CDC42BPA: variants seen among roughly 807,000 people sequenced by gnomAD.
CDC42BPA encodes CDC42 binding protein kinase alpha.
Under a neutral mutation model 223.5 loss-of-function variants are expected in CDC42BPA, and 80 were observed. The ratio of observed to expected loss-of-function variants is 0.36; its 90% CI spans 0.30 to 0.43. The LOEUF is 0.43. Among genes scored for constraint, CDC42BPA ranks in the 20% least tolerant of loss-of-function variants. CDC42BPA has a pLI of 1.00. For missense variants in CDC42BPA, 1,743 were observed against 2,099.9 expected (o/e 0.83, Z 3.32); for synonymous variants, 694 against 718.6 (o/e 0.97, Z 0.55).
intron 1 of CDC42BPA, among the ~76,000 whole-genome samples, chr1:227,314,540 T>C (rs1470818565): frequency 1.3e-5 from 2 of 151,912 alleles, no homozygotes; most frequent in Non-Finnish European, 2.9e-5. Context: ...AATATAAAAA[T>C]AAAATGGACT....
chr1:227,006,554 T>C (rs575325451), intron 34 of CDC42BPA, among the ~76,000 whole-genome samples: 2 of 152,200 alleles, frequency 1.3e-5, no homozygotes, highest in Admixed American at 6.5e-5. Context: ...CCAGTCCCAC[T>C]ATGTGCCTTT....
rs534762721 is a variant in CDC42BPA at position 227,105,433 on chromosome 1, C to A, written c.2002-4194G>T. 1.6e-4 allele frequency among the ~76,000 whole-genome samples: 23 copies of A among 143,598 alleles called. No individual in the cohort carries two copies. In the South Asian group the frequency reaches 5.0e-3, roughly 31 times the overall value. The allele number at this position is 143,598 out of a possible 152,430, so 94.2% of individuals were successfully genotyped here. ...CTGGAGTACACTGGCACAATCATGACTCACTGCAGCCTCGACCTCAAGCAA... is the reference window on the plus strand; with the variant it reads ...CTGGAGTACACTGGCACAATCATGAATCACTGCAGCCTCGACCTCAAGCAA... On this transcript the variant is annotated intron_variant, in intron 14 of 36. Transcript: ENST00000366766.
At chr1:227,058,746 A>G (rs1045957293) in intron 21 of CDC42BPA, among the ~76,000 whole-genome samples, 1 of 152,150 alleles carries the variant, frequency 6.6e-6, no homozygotes, top group Non-Finnish European at 1.5e-5. Flanking sequence ...GTTTGTTAAT[A>G]ATACATATAT....
chr1:227,149,101 C>T (rs1167080975), intron 6 of CDC42BPA, among the ~76,000 whole-genome samples: 1 of 152,072 alleles, frequency 6.6e-6, no homozygotes, highest in Non-Finnish European at 1.5e-5. Context: ...TGCCTTAAAA[C>T]GTATACTGTA....
chr1:227,259,476 G>C (rs774701003), intron 1 of CDC42BPA, among the ~76,000 whole-genome samples: 1 of 151,028 alleles, frequency 6.6e-6, no homozygotes, highest in African/African-American at 2.5e-5. Context: ...CCTTATTCCC[G>C]GTGTTCTGGC....
chr1:227,272,567 T>C (rs140091630), intron 1 of CDC42BPA, among the ~76,000 whole-genome samples: 3,675 of 152,198 alleles, frequency 0.024, 46 homozygotes, highest in Middle Eastern at 0.041. Context: ...AACACTATAA[T>C]AGAAAATTGG....
intron 1 of CDC42BPA, among the ~76,000 whole-genome samples, chr1:227,307,588 G>A (rs1280049370): frequency 6.6e-6 from 1 of 152,016 alleles, no homozygotes; most frequent in Non-Finnish European, 1.5e-5. Flanking sequence ...TATCCAAAGA[G>A]GCATACAAAA....
At chr1:227,138,407 A>C (rs903784267) in intron 10 of CDC42BPA, among the ~76,000 whole-genome samples, 1 of 151,834 alleles carries the variant, frequency 6.6e-6, no homozygotes, top group Admixed American at 6.6e-5. Context: ...ACTTGCTTCA[A>C]ATAGAGAATA....
chr1:227,158,202 C>G (rs1663174118), intron 6 of CDC42BPA, among the ~76,000 whole-genome samples: 1 of 152,100 alleles, frequency 6.6e-6, no homozygotes, highest in Non-Finnish European at 1.5e-5. Flanking sequence ...TCAGGTGATC[C>G]ACCCTCTTTG....
At chr1:227,015,399 G>C (rs1572255556) in intron 34 of CDC42BPA, among the ~76,000 whole-genome samples, 1 of 151,638 alleles carries the variant, frequency 6.6e-6, no homozygotes, top group East Asian at 1.9e-4. Context: ...CTCCAGCCTG[G>C]GTGATAGAAT....
chr1:227,269,381 T>C (rs907576168), intron 1 of CDC42BPA, among the ~76,000 whole-genome samples: 5 of 152,220 alleles, frequency 3.3e-5, no homozygotes, highest in Non-Finnish European at 7.3e-5. Flanking sequence ...ATGCCATAAT[T>C]AGAGAAACAA....
intron 6 of CDC42BPA, among the ~76,000 whole-genome samples, chr1:227,154,503 G>A (rs559842757): frequency 4.0e-5 from 6 of 151,892 alleles, no homozygotes; most frequent in African/African-American, 9.6e-5. Context: ...ATTTTAAACC[G>A]ATAAAAAATT....
intron 1 of CDC42BPA, among the ~76,000 whole-genome samples, chr1:227,291,123 T>C (rs1689620696): frequency 6.6e-6 from 1 of 152,130 alleles, no homozygotes; most frequent in Non-Finnish European, 1.5e-5. Context: ...TCATTGAGAA[T>C]GGAGGGAAGA....
intron 2 of CDC42BPA, among the ~76,000 whole-genome samples, chr1:227,221,668 G>A (rs1051114389): frequency 2.7e-5 from 4 of 150,612 alleles, no homozygotes; most frequent in African/African-American, 7.3e-5. Context: ...ACACAAAGCT[G>A]AATAAAAAGT....
intron 11 of CDC42BPA, 41 bp downstream of exon 11, chr1:227,129,068 C>T (rs374220864): frequency 3.1e-6 from 4 of 1,287,426 alleles, no homozygotes; most frequent in African/African-American, 1.5e-5. Flanking sequence ...ATTTTTTAAA[C>T]ATTTCCTAAA....
intron 5 of CDC42BPA, 131 bp from the exon 6 acceptor site, chr1:227,160,767 CTTTA>C (rs779263957): frequency 4.4e-5 from 25 of 571,204 alleles, no homozygotes; most frequent in Non-Finnish European, 7.0e-5. Flanking sequence ...TATTTAATTA[CTTTA>C]TTAATTCAAA....
At chr1:227,301,933 T>C (rs758746944) in intron 1 of CDC42BPA, among the ~76,000 whole-genome samples, 1 of 152,182 alleles carries the variant, frequency 6.6e-6, no homozygotes, top group Non-Finnish European at 1.5e-5. Flanking sequence ...ATTTTTCTTA[T>C]TGTTTTCTCA....
chr1:227,205,286 ATATATAT>A (rs1672502454), intron 3 of CDC42BPA, among the ~76,000 whole-genome samples: 6 of 85,654 alleles, frequency 7.0e-5, no homozygotes, highest in South Asian at 3.5e-4. Flanking sequence ...AAAAAAAAAT[ATATATAT>A]ATATATATAT....
chr1:226,995,743 C>T (rs1268856974), intron 35 of CDC42BPA, among the ~76,000 whole-genome samples: 2 of 152,082 alleles, frequency 1.3e-5, no homozygotes, highest in South Asian at 2.1e-4. Flanking sequence ...TGGGGAATCT[C>T]GGGGCTATTG....
Sources: gnomAD v4.1 joint callset for allele counts (sites outside exome capture counted in the v4.1 genomes callset) on GRCh38, gnomAD v4.1.1 for gene constraint, MANE v1.5 for transcripts, NCBI Gene and HGNC (gene_info 2026-07-23, HGNC 2026-07-21) for gene names.